Variants in CACNA1E observed in about 807,000 individuals in gnomAD.
CACNA1E encodes the protein voltage-dependent R-type calcium channel subunit alpha-1E.
A neutral mutation model predicts 259.2 loss-of-function variants in CACNA1E; 40 were observed. The observed-to-expected ratio is 0.15, with a 90% CI of 0.12 to 0.20. The LOEUF is 0.20. CACNA1E is among the 10% of genes least tolerant of loss of function. CACNA1E has a pLI of 1.00. For missense variants in CACNA1E, 1,874 were observed against 3,040.1 expected (o/e 0.62, Z 9.02); for synonymous variants, 1,104 against 1,138.5 (o/e 0.97, Z 0.61).
At chr1:181,428,920 G>A (rs1258605237) in intron 2 of CACNA1E, among the ~76,000 whole-genome samples, 1 of 152,170 alleles carries the variant, frequency 6.6e-6, no homozygotes. Flanking sequence ...GGTGGCTCAT[G>A]CCTGTAATCC....
intron 38 of CACNA1E, among the ~76,000 whole-genome samples, chr1:181,777,330 G>A (rs1660053147): frequency 6.6e-6 from 1 of 152,170 alleles, no homozygotes; most frequent in African/African-American, 2.4e-5. Context: ...TTACAGGCAT[G>A]GACCAAGTTG....
chr1:181,607,798 G>A lies in CACNA1E; in HGVS notation c.951+27022G>A, dbSNP rs564312445. On this transcript the variant is annotated intron_variant, in intron 6 of 47. Transcript: ENST00000367573. ...CAGAGAAGAAAGTTTCCTGCAGGAG[G>A]TGGAGATTAGGAATGAGGCTGGAAA... is the stretch of plus-strand genomic sequence containing the variant. 6.6e-5 allele frequency among the ~76,000 whole-genome samples: 10 copies of A among 152,320 alleles called. No individual in the cohort carries two copies. The East Asian group carries it at 1.9e-3, about 29-fold the overall frequency.
chr1:181,325,516 A>G (rs1650706776), intron 1 of CACNA1E, among the ~76,000 whole-genome samples: 1 of 152,198 alleles, frequency 6.6e-6, no homozygotes, highest in African/African-American at 2.4e-5. Flanking sequence ...GACATCCTGG[A>G]TCAGAAACTC....
chr1:181,750,138 G>A (rs530540570), intron 25 of CACNA1E, among the ~76,000 whole-genome samples: 2 of 152,366 alleles, frequency 1.3e-5, no homozygotes, highest in South Asian at 4.1e-4. Context: ...TTAGAAAACT[G>A]CAGTTAAACC....
chr1:181,630,122 G>A (rs898858964), intron 6 of CACNA1E, among the ~76,000 whole-genome samples: 3 of 152,166 alleles, frequency 2.0e-5, no homozygotes, highest in East Asian at 3.8e-4. Flanking sequence ...ATGGGAATGG[G>A]GGGAGGGTGG....
intron 3 of CACNA1E, among the ~76,000 whole-genome samples, chr1:181,540,589 CT>C (rs544205238): frequency 1.9e-4 from 29 of 152,246 alleles, no homozygotes; most frequent in African/African-American, 6.7e-4. Flanking sequence ...TGGTCTTCCC[CT>C]GAAAGAGCTC....
chr1:181,689,284 A>T, intron 7 of CACNA1E, among the ~76,000 whole-genome samples: 1 of 152,154 alleles, frequency 6.6e-6, no homozygotes, highest in Non-Finnish European at 1.5e-5. Context: ...TTCCAGCTTC[A>T]TCCATGTCCC....
intron 7 of CACNA1E, among the ~76,000 whole-genome samples, chr1:181,665,044 T>C (rs758933335): frequency 1.3e-5 from 2 of 152,192 alleles, no homozygotes; most frequent in Non-Finnish European, 2.9e-5. Flanking sequence ...ATGAAATTTC[T>C]GGTTGACCAA....
intron 1 of CACNA1E, among the ~76,000 whole-genome samples, chr1:181,346,154 G>A (rs1327051824): frequency 1.3e-5 from 2 of 152,192 alleles, no homozygotes; most frequent in Non-Finnish European, 2.9e-5. Context: ...CCCTCTGGAG[G>A]GCACCCACAC....
Position 181,755,350 on chromosome 1 carries a change from G to A in CACNA1E, c.3942G>A (p.Lys1314=), listed in dbSNP as rs755948463. Reference sequence around the variant, plus strand: ...TCGCAGTTCAGCTCTTCAAGGGAAAGTTCTTTTATTGCACGGACAGTTCCA... The same window carrying A: ...TCGCAGTTCAGCTCTTCAAGGGAAAATTCTTTTATTGCACGGACAGTTCCA... ...AVIAVQLFKG[K]FFYCTDSSKD... Residue 1314 remains lysine, a synonymous_variant, in exon 28 of 48, where the codon AAG becomes AAA. Transcript: ENST00000367573. 2 of 1,613,980 alleles carry A rather than the reference G, an allele frequency of 1.2e-6. No individual in the cohort carries two copies. The highest frequency in any genetic ancestry group is 2.2e-5 in the South Asian group (2 of 91,080).
intron 1 of CACNA1E, among the ~76,000 whole-genome samples, chr1:181,385,519 C>T (rs966705757): frequency 2.0e-5 from 3 of 152,118 alleles, no homozygotes; most frequent in African/African-American, 4.8e-5. Flanking sequence ...GCTTTATAAG[C>T]GCGTCCTTGA....
Position 181,799,163 on chromosome 1 carries a change from TGGAGGGA to T in CACNA1E, c.*330_*336del. 1.4e-5 allele frequency: 3 copies of T among 215,368 alleles called. No homozygotes were observed. The highest frequency in any genetic ancestry group is 5.4e-5 in the Admixed American group (1 of 18,562). The allele number at this position is 215,368 out of a possible 1,614,324, so 13.3% of individuals were successfully genotyped here. Reference sequence around the variant, plus strand: ...CCCCTTCCCACTTTTCTAAAAGCTGTGGAGGGATCTAGCTGGCCTATGTCTACACTCA... The same window carrying T: ...CCCCTTCCCACTTTTCTAAAAGCTGTTCTAGCTGGCCTATGTCTACACTCA... On this transcript the variant is annotated 3_prime_UTR_variant, in exon 48 of 48. Transcript: ENST00000367573.
chr1:181,356,843 C>T (rs1372957752), intron 1 of CACNA1E, among the ~76,000 whole-genome samples: 3 of 152,156 alleles, frequency 2.0e-5, no homozygotes, highest in Non-Finnish European at 2.9e-5. Flanking sequence ...TTCCTCCCCA[C>T]TCTCCTGAGC....
At chr1:181,606,107 C>T (rs1654211983) in intron 6 of CACNA1E, among the ~76,000 whole-genome samples, 1 of 152,148 alleles carries the variant, frequency 6.6e-6, no homozygotes, top group Non-Finnish European at 1.5e-5. Flanking sequence ...CACTCCCTCT[C>T]CTTCTAGGAG....
chr1:181,579,666 A>G (rs1018120190), intron 5 of CACNA1E, among the ~76,000 whole-genome samples: 9 of 152,164 alleles, frequency 5.9e-5, no homozygotes, highest in African/African-American at 2.2e-4. Flanking sequence ...AAAAAAGTGC[A>G]ACCTCTCTGA....
Position 181,710,985 on chromosome 1 carries a change from A to G in CACNA1E, c.1087A>G (p.Asn363Asp). ...EFAKERERVE[N>D]RRAFMKLRRQ... ...TGCCAAAGAGAGAGAGAGAGTGGAG[A>G]ACCGAAGGGCTTTCATGAAGCTGCG... Residue 363 changes from asparagine to aspartate, a missense_variant, in exon 8 of 48, where the codon AAC (asparagine) becomes GAC (aspartate). Around this residue, in one of 14 missense-constraint regions of CACNA1E, gnomAD observed 157 missense variants for 203.5 expected, o/e 0.77. Transcript: ENST00000367573. 6.2e-7 allele frequency: 1 copy of G among 1,613,806 alleles called. No homozygotes were observed. Among genetic ancestry groups the G allele is most frequent in the Non-Finnish European group, 8.5e-7 (1 of 1,179,820 alleles).
chr1:181,569,973 A>T (rs1424960968), intron 3 of CACNA1E, among the ~76,000 whole-genome samples: 1 of 152,194 alleles, frequency 6.6e-6, no homozygotes. Context: ...GTTGAGAGGA[A>T]GGGAGATTGG....
At chr1:181,788,955 T>C (rs1323463066) in intron 43 of CACNA1E, among the ~76,000 whole-genome samples, 1 of 152,164 alleles carries the variant, frequency 6.6e-6, no homozygotes, top group Non-Finnish European at 1.5e-5. Context: ...GCCTCGACTT[T>C]CTAGGCTCAA....
intron 35 of CACNA1E, among the ~76,000 whole-genome samples, chr1:181,770,684 G>A (rs1431607688): frequency 6.6e-6 from 1 of 152,212 alleles, no homozygotes; most frequent in African/African-American, 2.4e-5. Context: ...ATATATGCAT[G>A]TGGATATATG....
Sources: allele counts gnomAD v4.1 joint callset (sites outside exome capture counted in the v4.1 genomes callset), GRCh38; gene constraint gnomAD v4.1.1; regional missense constraint gnomAD v4.1.1; transcripts MANE v1.5; gene names NCBI Gene and HGNC (gene_info 2026-07-23, HGNC 2026-07-21).